The following ANAPC5 variants were observed in gnomAD, a reference collection of about 807,000 sequenced individuals.
The protein encoded by ANAPC5 is anaphase-promoting complex subunit 5.
A neutral mutation model predicts 91.3 loss-of-function variants in ANAPC5; 60 were observed. That is an observed-to-expected ratio of 0.66 (90% CI 0.53 to 0.81). ANAPC5 has a LOEUF of 0.81. Among genes scored for constraint, ANAPC5 ranks in the 40% least tolerant of loss-of-function variants. The pLI is 0.00. For missense variants in ANAPC5, 690 were observed against 931.5 expected (o/e 0.74, Z 3.37); for synonymous variants, 340 against 364.1 (o/e 0.93, Z 0.75).
At chr12:121,317,575 A>C (rs1356722065) in intron 15 of ANAPC5, among the ~76,000 whole-genome samples, 1 of 152,140 alleles carries the variant, frequency 6.6e-6, no homozygotes, top group Non-Finnish European at 1.5e-5. Flanking sequence ...CTCAAGAAAA[A>C]AAAAAAGAAT....
At chr12:121,344,851 G>T (rs1386454822) in intron 4 of ANAPC5, among the ~76,000 whole-genome samples, 1 of 152,162 alleles carries the variant, frequency 6.6e-6, no homozygotes, top group Non-Finnish European at 1.5e-5. Flanking sequence ...ATTGGGCCAG[G>T]TTATACAGGC....
intron 6 of ANAPC5, among the ~76,000 whole-genome samples, chr12:121,336,084 C>T (rs563657259): frequency 1.3e-5 from 2 of 152,204 alleles, no homozygotes; most frequent in South Asian, 4.1e-4. Flanking sequence ...AACCTGAATT[C>T]ATATACAAAT....
intron 12 of ANAPC5, 106 bp from the exon 13 acceptor site, chr12:121,319,924 A>C: frequency 8.9e-7 from 1 of 1,122,936 alleles, no homozygotes; most frequent in Non-Finnish European, 1.2e-6. Flanking sequence ...ACAATAATTC[A>C]CACATATTCT....
chr12:121,345,657 G>T lies in ANAPC5; in HGVS notation c.590+182C>A, dbSNP rs1309054796. Among the ~76,000 whole-genome samples, 3 of 152,040 alleles carry T rather than the reference G, an allele frequency of 2.0e-5. No individual in the cohort carries two copies. In the East Asian group the frequency reaches 5.8e-4, roughly 29 times the overall value. ...GGATTTCCTGCCAGTGCCTCCCATTGGCCAATCACAAGTCAGAGGGCAAGG... is the reference window on the plus strand; with the variant it reads ...GGATTTCCTGCCAGTGCCTCCCATTTGCCAATCACAAGTCAGAGGGCAAGG... On this transcript the variant is annotated intron_variant, in intron 4 of 16. Transcript: ENST00000261819.
At chr12:121,317,007 A>C (rs1320979315) in intron 15 of ANAPC5, among the ~76,000 whole-genome samples, 1 of 152,170 alleles carries the variant, frequency 6.6e-6, no homozygotes, top group Non-Finnish European at 1.5e-5. Context: ...CATTTATATG[A>C]GTCCAGTTAT....
chr12:121,309,515 C>T (rs1283512448), intron 16 of ANAPC5, among the ~76,000 whole-genome samples, 186 bp downstream of exon 16: 1 of 152,188 alleles, frequency 6.6e-6, no homozygotes, highest in East Asian at 1.9e-4. Flanking sequence ...ATTCACTTGT[C>T]CTCAATCTTT....
chr12:121,345,371 G>A (rs1442512868), intron 4 of ANAPC5, among the ~76,000 whole-genome samples: 1 of 152,192 alleles, frequency 6.6e-6, no homozygotes, highest in East Asian at 1.9e-4. Context: ...AGTAGTCTGA[G>A]AAGAGTTTAA....
At chr12:121,352,721 G>T (rs116010790), upstream of ANAPC5, among the ~76,000 whole-genome samples, 220 of 103,312 alleles carry the variant, frequency 2.1e-3, no homozygotes, top group African/African-American at 6.7e-3. Context: ...GTTGTTGTTG[G>T]TGGTGGTGGT....
intron 5 of ANAPC5, among the ~76,000 whole-genome samples, chr12:121,340,519 G>A (rs560333511): frequency 3.2e-4 from 49 of 151,780 alleles, no homozygotes; most frequent in African/African-American, 1.2e-3. Context: ...AAATTCATCT[G>A]CAGAGGTAAT....
rs751854391 is a variant in ANAPC5, at chr12:121,318,560, C to T, written c.1686G>A (p.Lys562=). The T allele has an allele frequency of 1.9e-6, 3 of 1,614,160 alleles. No homozygotes were observed. Among genetic ancestry groups the T allele is most frequent in the East Asian group, 2.2e-5 (1 of 44,890 alleles). ...AATGAACCAACAATTTTTGTAAAAG[C>T]TTATGTGCCTCTGACATTTGGTTCT... The part of the protein sequence containing the change: ...QAQNQMSEAH[K]LLQKLLVHCQ... Residue 562 remains lysine (K), a synonymous_variant, in exon 14 of 17, where the codon AAG becomes AAA. Transcript: ENST00000261819.
intron 15 of ANAPC5, among the ~76,000 whole-genome samples, chr12:121,315,453 A>G (rs1902316169): frequency 2.0e-5 from 3 of 152,178 alleles, no homozygotes; most frequent in Middle Eastern, 3.4e-3. Context: ...AAATCAACAT[A>G]TAATTGCAAG....
chr12:121,326,116 C>T (rs1430739863), intron 11 of ANAPC5, among the ~76,000 whole-genome samples: 2 of 152,202 alleles, frequency 1.3e-5, no homozygotes, highest in Non-Finnish European at 2.9e-5. Context: ...CGCCGTGGAA[C>T]CCATCAGTCA....
intron 2 of ANAPC5, 199 bp downstream of exon 2, chr12:121,347,603 C>G (rs1250141905): frequency 3.5e-6 from 2 of 566,022 alleles, no homozygotes; most frequent in Non-Finnish European, 6.2e-6. Flanking sequence ...TGTACTCCAG[C>G]CTGGGCAACA....
chr12:121,328,657 C>G (rs1042344237), intron 9 of ANAPC5, 160 bp from the exon 10 acceptor site: 1 of 618,896 alleles, frequency 1.6e-6, no homozygotes, highest in Non-Finnish European at 2.7e-6. Flanking sequence ...CTGAGCCATA[C>G]GAGATGTGTT....
Position 121,345,910 on chromosome 12 carries a change from A to T in ANAPC5, c.519T>A (p.Ala173=). 1 of 1,614,188 alleles carries T rather than the reference A, an allele frequency of 6.2e-7. No individual in the cohort carries two copies. Among genetic ancestry groups the T allele is most frequent in the Non-Finnish European group, 8.5e-7 (1 of 1,180,036 alleles). ...CATCTCTACTGGTCAGTTCCATATC[A>T]GCATCCTCCACTGTCTTTTTCTCAC... The part of the protein sequence containing the change: ...QNGEKKTVED[A]DMELTSRDEG... The change falls in exon 4 of 17, where the codon GCT becomes GCA. Residue 173 remains alanine (A), a synonymous_variant. Coordinates refer to ENST00000261819, the MANE Select transcript of ANAPC5 (RefSeq NM_016237.5).
intron 15 of ANAPC5, among the ~76,000 whole-genome samples, chr12:121,311,800 T>C (rs1473667319): frequency 6.6e-6 from 1 of 152,162 alleles, no homozygotes; most frequent in Non-Finnish European, 1.5e-5. Flanking sequence ...GCCATGGTAT[T>C]CTAGCCTGGG....
rs148185195 is a variant in ANAPC5, at chr12:121,309,395, G to A, written c.2056+306C>T. ...GGAGGTTGCAGTGAGCCGAGATCAC[G>A]CCACTGCACTCCAGCCTGAGCTACA... On this transcript the variant is annotated intron_variant, in intron 16 of 16. Coordinates refer to ENST00000261819, the MANE Select transcript of ANAPC5 (RefSeq NM_016237.5). 2.1e-3 allele frequency among the ~76,000 whole-genome samples: 319 copies of A among 151,692 alleles called. 1 individual carries two copies. Among genetic ancestry groups the A allele is most frequent in the African/African-American group, 7.4e-3 (306 of 41,322 alleles).
At chr12:121,338,896 AAT>A (rs1480915610) in intron 5 of ANAPC5, among the ~76,000 whole-genome samples, 7 of 151,960 alleles carry the variant, frequency 4.6e-5, no homozygotes, top group African/African-American at 1.4e-4. Flanking sequence ...ACAAAATCAC[AAT>A]ATATGTTTAT....
rs1555274205 is a variant in ANAPC5 at position 121,342,592 on chromosome 12, G to A, written c.591-523C>T. 6.6e-6 allele frequency among the ~76,000 whole-genome samples: 1 copy of A among 152,158 alleles called. No individual in the cohort carries two copies. The highest frequency in any genetic ancestry group is 1.9e-4 in the East Asian group (1 of 5,198). On this transcript the variant is annotated intron_variant, in intron 4 of 16. Transcript: ENST00000261819. This position sits in a 1 kb window ranked among gnomAD's most constrained non-coding sequence, Gnocchi z 4.1. Reference sequence around the variant, plus strand: ...AAACATCGAGGAGGCCAAGCGCGGTGGCTCACACCTGTAATCCCAGCACTT... The same window carrying A: ...AAACATCGAGGAGGCCAAGCGCGGTAGCTCACACCTGTAATCCCAGCACTT...
Sources: allele counts gnomAD v4.1 joint callset (sites outside exome capture counted in the v4.1 genomes callset), GRCh38; gene constraint gnomAD v4.1.1; non-coding constraint Gnocchi (gnomAD v3.1); transcripts MANE v1.5; gene names NCBI Gene and HGNC (gene_info 2026-07-23, HGNC 2026-07-21).